The following ELAPOR2 variants were observed in gnomAD, a reference collection of about 807,000 sequenced individuals.
ELAPOR2 encodes the protein endosome-lysosome associated apoptosis and autophagy regulator family member 2, also known as endosome/lysosome-associated apoptosis and autophagy regulator family member 2.
Under a neutral mutation model 120.7 loss-of-function variants are expected in ELAPOR2, and 89 were observed. The ratio of observed to expected loss-of-function variants is 0.74; its 90% CI spans 0.62 to 0.88. The LOEUF is 0.88. Among genes scored for constraint, ELAPOR2 ranks in the 40% least tolerant of loss-of-function variants. The pLI, the probability that ELAPOR2 is intolerant of heterozygous loss-of-function variation, is 0.00. For synonymous variants in ELAPOR2, 444 were observed against 444.9 expected (o/e 1.00, Z 0.03); for missense variants, 1,134 against 1,251.6 (o/e 0.91, Z 1.42).
intron 20 of ELAPOR2, among the ~76,000 whole-genome samples, chr7:86,892,622 G>A (rs1322474956): frequency 6.6e-6 from 1 of 152,024 alleles, no homozygotes; most frequent in Non-Finnish European, 1.5e-5. Context: ...GAGAATACCT[G>A]CCTTCCAAAT....
intron 15 of ELAPOR2, among the ~76,000 whole-genome samples, chr7:86,911,470 A>T (rs1277879324): frequency 6.6e-6 from 1 of 152,160 alleles, no homozygotes; most frequent in African/African-American, 2.4e-5. Flanking sequence ...CTCTGTAGGT[A>T]TATACCTATA....
intron 18 of ELAPOR2, among the ~76,000 whole-genome samples, chr7:86,906,378 A>T (rs1789016636): frequency 1.3e-5 from 2 of 152,128 alleles, no homozygotes; most frequent in African/African-American, 4.8e-5. Flanking sequence ...CACCTTGAAC[A>T]GGTAAAAAGA....
intron 1 of ELAPOR2, among the ~76,000 whole-genome samples, chr7:86,980,576 G>A (rs1294109498): frequency 6.6e-6 from 1 of 152,018 alleles, no homozygotes; most frequent in East Asian, 1.9e-4. Context: ...ATTCTACGTT[G>A]ACAAGAATAT....
chr7:86,905,206 AAGAG>A (rs969394252), intron 18 of ELAPOR2, among the ~76,000 whole-genome samples: 21 of 146,700 alleles, frequency 1.4e-4, no homozygotes, highest in African/African-American at 4.0e-4. Flanking sequence ...GAGAGAGAGA[AAGAG>A]AGAGAGGAAG....
At chr7:86,911,194 A>G (rs147141822) in intron 15 of ELAPOR2, among the ~76,000 whole-genome samples, 32 of 152,252 alleles carry the variant, frequency 2.1e-4, no homozygotes, top group African/African-American at 6.0e-4. Flanking sequence ...TCTGGCACAT[A>G]ACAGGTATTT....
chr7:86,963,775 C>G (rs187007107), intron 2 of ELAPOR2, among the ~76,000 whole-genome samples: 39 of 152,254 alleles, frequency 2.6e-4, no homozygotes, highest in Non-Finnish European at 4.9e-4. Flanking sequence ...GCCCTCTGCA[C>G]GAGTGGTTTC....
At chr7:86,997,056 C>T (rs1379176376) in intron 1 of ELAPOR2, among the ~76,000 whole-genome samples, 1 of 152,182 alleles carries the variant, frequency 6.6e-6, no homozygotes, top group African/African-American at 2.4e-5. Context: ...ACATGTCCCT[C>T]TCTCTGATCC....
chr7:86,930,274 TAA>T (rs533980231), intron 8 of ELAPOR2, among the ~76,000 whole-genome samples: 3 of 151,890 alleles, frequency 2.0e-5, no homozygotes, highest in Non-Finnish European at 4.4e-5. Flanking sequence ...AAAGCTGCTT[TAA>T]AAAAAGTGTT....
chr7:86,985,696 TA>T (rs1792702957), intron 1 of ELAPOR2, among the ~76,000 whole-genome samples: 1 of 152,122 alleles, frequency 6.6e-6, no homozygotes, highest in South Asian at 2.1e-4. Flanking sequence ...CTTTAAGTTT[TA>T]GGGTACATGT....
At chr7:86,905,118 GGAAGGAAGGAA>G (rs1788927721) in intron 18 of ELAPOR2, among the ~76,000 whole-genome samples, 1 of 120,474 alleles carries the variant, frequency 8.3e-6, no homozygotes, top group Non-Finnish European at 1.8e-5. Context: ...AAGGAAGGAA[GGAAGGAAGGAA>G]AGAAAGAAAA....
At chr7:87,025,147 A>C (rs75306075) in intron 1 of ELAPOR2, among the ~76,000 whole-genome samples, 1,554 of 152,202 alleles carry the variant, frequency 0.01, 9 homozygotes, top group Non-Finnish European at 0.015. Flanking sequence ...TTTCATGCTA[A>C]ATGTCTAAAT....
intron 18 of ELAPOR2, among the ~76,000 whole-genome samples, chr7:86,898,466 G>A (rs1788549052): frequency 6.9e-6 from 1 of 144,984 alleles, no homozygotes; most frequent in African/African-American, 2.6e-5. Context: ...AAACACCACT[G>A]AATTATATGC....
At chr7:86,956,988 T>C (rs925033335) in intron 2 of ELAPOR2, among the ~76,000 whole-genome samples, 5 of 152,218 alleles carry the variant, frequency 3.3e-5, no homozygotes, top group Non-Finnish European at 7.3e-5. Flanking sequence ...GTCTCTGACC[T>C]TGATTCTGCA....
At chr7:87,057,383 T>A (rs142177692) in intron 1 of ELAPOR2, among the ~76,000 whole-genome samples, 1,772 of 152,356 alleles carry the variant, frequency 0.012, 11 homozygotes, top group South Asian at 0.022. Context: ...CTAGGCCTCT[T>A]CTACTTCCAA....
At chr7:87,038,490 C>A (rs180749252) in intron 1 of ELAPOR2, among the ~76,000 whole-genome samples, 1 of 151,964 alleles carries the variant, frequency 6.6e-6, no homozygotes. Flanking sequence ...CTAAGTGACA[C>A]GAAAAATATT....
intron 1 of ELAPOR2, among the ~76,000 whole-genome samples, chr7:86,985,337 T>C (rs1792685283): frequency 1.3e-5 from 2 of 152,240 alleles, no homozygotes. Flanking sequence ...CCCTAACTCA[T>C]TTTATGAGGC....
intron 1 of ELAPOR2, among the ~76,000 whole-genome samples, chr7:86,979,492 T>C (rs1230599036): frequency 6.6e-6 from 1 of 152,082 alleles, no homozygotes; most frequent in African/African-American, 2.4e-5. Context: ...AAAACAATAA[T>C]AGGAAATGAG....
chr7:87,025,015 T>C (rs16888350), intron 1 of ELAPOR2, among the ~76,000 whole-genome samples: 2,429 of 149,962 alleles, frequency 0.016, 75 homozygotes, highest in African/African-American at 0.056. Flanking sequence ...TAGGCTGTCA[T>C]GGATGTAATT....
At chr7:87,032,893 G>A (rs1283345620) in intron 1 of ELAPOR2, among the ~76,000 whole-genome samples, 2 of 152,142 alleles carry the variant, frequency 1.3e-5, no homozygotes, top group Non-Finnish European at 2.9e-5. Context: ...AGTACATAAA[G>A]CTTTCCTTGT....
Sources: gnomAD v4.1 joint callset for allele counts (sites outside exome capture counted in the v4.1 genomes callset) on GRCh38, gnomAD v4.1.1 for gene constraint, MANE v1.5 for transcripts, NCBI Gene and HGNC (gene_info 2026-07-23, HGNC 2026-07-21) for gene names.